DEPDC5: variants seen among roughly 807,000 people sequenced by gnomAD.
The protein encoded by DEPDC5 is GATOR1 complex protein DEPDC5.
Under a neutral mutation model 217.3 loss-of-function variants are expected in DEPDC5, and 73 were observed. The observed-to-expected ratio is 0.34, with a 90% CI of 0.28 to 0.41. The LOEUF is 0.41. Among genes scored for constraint, DEPDC5 ranks in the 10% least tolerant of loss-of-function variants. The pLI is 1.00. For missense variants in DEPDC5, 1,675 were observed against 2,070.1 expected, an observed-to-expected ratio of 0.81 and a Z score of 3.70; for synonymous variants, 733 against 756.7, an observed-to-expected ratio of 0.97 and a Z score of 0.51.
intron 8 of DEPDC5, 90 bp downstream of exon 8, chr22:31,778,258 G>T: frequency 7.5e-7 from 1 of 1,327,824 alleles, no homozygotes; most frequent in Non-Finnish European, 1.1e-6. Flanking sequence ...GGCGGGGCAG[G>T]ACACCAAGGT....
At chr22:31,766,005 C>T (rs1271279362) in intron 5 of DEPDC5, among the ~76,000 whole-genome samples, 1 of 152,070 alleles carries the variant, frequency 6.6e-6, no homozygotes, top group Non-Finnish European at 1.5e-5. Context: ...CCAACCTGGG[C>T]AACAGCAATA....
Position 31,754,481 on chromosome 22 carries a change from G to A in DEPDC5, c.-61+317G>A, listed in dbSNP as rs141701164. ...TCGAGTGACCTTGAGCAAGTCCCTT[G>A]CCCGGAGTCACACTTTCATCATCTA... is the stretch of plus-strand genomic sequence containing the variant. On this transcript the variant is annotated intron_variant, in intron 1 of 42. Transcript: ENST00000651528. 4.3e-3 allele frequency among the ~76,000 whole-genome samples: 657 copies of A among 152,382 alleles called. 1 individual carries two copies. Among genetic ancestry groups the A allele is most frequent in the African/African-American group, 0.013 (553 of 41,590 alleles).
chr22:31,761,051 G>A (rs974350638), intron 4 of DEPDC5, among the ~76,000 whole-genome samples: 2 of 151,060 alleles, frequency 1.3e-5, no homozygotes, highest in Admixed American at 6.6e-5. Context: ...GCGCGATCTC[G>A]GCTCACTGCA....
intron 8 of DEPDC5, 40 bp downstream of exon 8, chr22:31,778,208 T>C (rs1401719220): frequency 6.3e-7 from 1 of 1,579,550 alleles, no homozygotes; most frequent in East Asian, 2.2e-5. Flanking sequence ...TATCTCTCCA[T>C]ACTATTATGG....
intron 3 of DEPDC5, 134 bp downstream of exon 3, chr22:31,758,767 G>A (rs2082139222): frequency 1.2e-6 from 1 of 855,262 alleles, no homozygotes; most frequent in Non-Finnish European, 1.9e-6. Flanking sequence ...CACTTTGGGA[G>A]GCTGAGGTGG....
chr22:31,810,767 TTTTG>T (rs1414559304), intron 20 of DEPDC5, 126 bp downstream of exon 20: 13 of 1,441,098 alleles, frequency 9.0e-6, no homozygotes, highest in Non-Finnish European at 1.1e-5. Context: ...CGTTTTGGTT[TTTTG>T]TTTGTTTTGT....
At chr22:31,895,475 G>C (rs2093533279) in intron 39 of DEPDC5, among the ~76,000 whole-genome samples, 1 of 152,132 alleles carries the variant, frequency 6.6e-6, no homozygotes, top group Non-Finnish European at 1.5e-5. Flanking sequence ...TATCTTCCAG[G>C]ACAGCTCCTT....
intron 12 of DEPDC5, among the ~76,000 whole-genome samples, chr22:31,794,611 G>A (rs528980792): frequency 3.3e-5 from 5 of 152,176 alleles, no homozygotes; most frequent in Middle Eastern, 3.4e-3. Flanking sequence ...TAGGCCAGGC[G>A]TGGTGGCTGA....
At position 31,754,891 on chromosome 22, in the gene DEPDC5, T is replaced by A; in HGVS notation, c.-31T>A. The A allele has an allele frequency of 6.2e-7, 1 of 1,613,844 alleles. No homozygotes were observed. The highest frequency in any genetic ancestry group is 8.5e-7 in the Non-Finnish European group (1 of 1,179,840). ...GCAAGATGACTTCTCTGCCCCAAGC[T>A]TGGAACAGCTAAAGGGAAAAACAGT... On this transcript the variant is annotated 5_prime_UTR_variant, in exon 2 of 43. It adds an upstream start codon to the 5' untranslated region. Coordinates refer to ENST00000651528, the MANE Select transcript of DEPDC5 (RefSeq NM_001242896.3).
intron 24 of DEPDC5, among the ~76,000 whole-genome samples, chr22:31,824,837 G>A (rs796565291): frequency 7.9e-5 from 12 of 152,120 alleles, no homozygotes; most frequent in East Asian, 3.9e-4. Context: ...ATAACTGGGC[G>A]TGGTGGCGGG....
chr22:31,821,688 AC>A (rs1286759626), intron 23 of DEPDC5, 51 bp downstream of exon 23: 1 of 1,594,454 alleles, frequency 6.3e-7, no homozygotes. Context: ...ACTCTCCAGC[AC>A]CCAGGACAAT....
chr22:31,887,310 C>A (rs1352906318), intron 38 of DEPDC5, among the ~76,000 whole-genome samples: 1 of 149,088 alleles, frequency 6.7e-6, no homozygotes, highest in African/African-American at 2.5e-5. Context: ...ATTCCAGCTG[C>A]TCGGGAGCTG....
chr22:31,893,207 A>T (rs1195140482), intron 38 of DEPDC5, among the ~76,000 whole-genome samples: 1 of 152,072 alleles, frequency 6.6e-6, no homozygotes, highest in Non-Finnish European at 1.5e-5. Context: ...GGACAAATGT[A>T]TAGTGACACG....
Position 31,821,466 on chromosome 22 carries a change from G to T in DEPDC5, c.1871-36G>T, listed in dbSNP as rs368070917. On this transcript the variant is annotated intron_variant, in intron 22 of 42. Coordinates refer to ENST00000651528, the MANE Select transcript of DEPDC5 (RefSeq NM_001242896.3). ...TTAAGTGCACAGCACTAGCTATCAG[G>T]TGGGAATGATGCTCAGTGGTTCTTT... The T allele has an allele frequency of 2.5e-6, 4 of 1,611,240 alleles. No individual in the cohort carries two copies. The East Asian group carries it at 8.9e-5, about 36-fold the overall frequency.
intron 4 of DEPDC5, among the ~76,000 whole-genome samples, chr22:31,761,690 A>G (rs1029478754): frequency 6.7e-6 from 1 of 148,456 alleles, no homozygotes; most frequent in Non-Finnish European, 1.5e-5. Flanking sequence ...AAAATAGGCC[A>G]GGCACGGTGG....
At chr22:31,812,471 C>G (rs1346208458) in intron 20 of DEPDC5, among the ~76,000 whole-genome samples, 2 of 130,426 alleles carry the variant, frequency 1.5e-5, no homozygotes, top group Non-Finnish European at 3.1e-5. Context: ...GTTGCCCAGG[C>G]TGGAGTGTAG....
At position 31,812,199 on chromosome 22, in the gene DEPDC5, A is replaced by G. The variant is rs113522072; in HGVS notation, c.1445+1558A>G. Among the ~76,000 whole-genome samples, 1,384 of 152,014 alleles carry G rather than the reference A, an allele frequency of 9.1e-3. 19 individuals carry two copies. The highest frequency in any genetic ancestry group is 0.031 in the African/African-American group (1,265 of 41,436). On this transcript the variant is annotated intron_variant, in intron 20 of 42. Transcript: ENST00000651528. ...GAGACAGGGTTTCACTGTGTTGGCC[A>G]GGCTGGTCTCAAACTCCTGACTTCA...
chr22:31,776,994 G>A (rs11703854), intron 7 of DEPDC5, among the ~76,000 whole-genome samples: 15,182 of 149,198 alleles, frequency 0.1, 818 homozygotes, highest in Admixed American at 0.14. Flanking sequence ...ACAGAGTCTC[G>A]CTCTGTTGCC....
intron 8 of DEPDC5, among the ~76,000 whole-genome samples, chr22:31,781,918 C>T (rs963143918): frequency 1.3e-5 from 2 of 151,912 alleles, no homozygotes; most frequent in Admixed American, 6.6e-5. Flanking sequence ...ATAATCTCAG[C>T]TACTTGGGAG....
Sources: allele counts gnomAD v4.1 joint callset (sites outside exome capture counted in the v4.1 genomes callset), GRCh38; gene constraint gnomAD v4.1.1; transcripts MANE v1.5; gene names NCBI Gene and HGNC (gene_info 2026-07-23, HGNC 2026-07-21).